Variants in NPSR1 observed in about 807,000 individuals in gnomAD.
NPSR1 encodes the protein neuropeptide S receptor 1.
In NPSR1, 48 loss-of-function variants were observed where a neutral mutation model predicts 46.9. The observed-to-expected ratio is 1.02, with a 90% CI of 0.81 to 1.30. The LOEUF (loss-of-function observed/expected upper bound fraction) is 1.30, where lower values mean the gene tolerates loss of function less well. Ranked by LOEUF, NPSR1 falls within the 50% of genes most tolerant of loss-of-function variation. The probability of loss-of-function intolerance (pLI) is 0.00; values close to 1 mark genes in which losing one functional copy is unlikely to be tolerated. For missense variants in NPSR1, 450 were observed against 449.5 expected, an observed-to-expected ratio of 1.00 and a Z score of -0.01; for synonymous variants, 176 against 168.1, an observed-to-expected ratio of 1.05 and a Z score of -0.36.
chr7:34,853,596 A>G (rs1790986567), downstream of NPSR1, among the ~76,000 whole-genome samples: 1 of 152,236 alleles, frequency 6.6e-6, no homozygotes, highest in African/African-American at 2.4e-5. Flanking sequence ...GGAGTCTTAT[A>G]TCAGCTGGTC....
In NPSR1 at chr7:34,874,249, C is replaced by T. The variant is rs117161603; in HGVS notation, c.1026-3827C>T. Among the ~76,000 whole-genome samples the T allele has an allele frequency of 6.7e-3, 1,024 of 152,302 alleles. 5 individuals are homozygous for T. The highest frequency in any genetic ancestry group is 9.9e-3 in the Non-Finnish European group (672 of 68,030). ...AGTTGCAGTGCTTATCTGTGTGCACCTCCCTTTGCTCAAATGTAATGTAGA... is the reference window on the plus strand; with the variant it reads ...AGTTGCAGTGCTTATCTGTGTGCACTTCCCTTTGCTCAAATGTAATGTAGA... On this transcript the variant is annotated intron_variant, in intron 8 of 8. Transcript: ENST00000359791.
At chr7:34,774,638 T>C (rs1463890443) in intron 2 of NPSR1, among the ~76,000 whole-genome samples, 2 of 152,212 alleles carry the variant, frequency 1.3e-5, no homozygotes, top group African/African-American at 4.8e-5. Context: ...CCTAGGGGCC[T>C]GCATTCTGAT....
At chr7:34,842,640 T>C (rs935984485) in intron 6 of NPSR1, among the ~76,000 whole-genome samples, 6 of 152,234 alleles carry the variant, frequency 3.9e-5, no homozygotes, top group Admixed American at 6.5e-5. Context: ...AAGACCCTAA[T>C]AGTAGTTAGG....
chr7:34,696,080 A>T (rs1188289484), intron 2 of NPSR1, among the ~76,000 whole-genome samples: 24 of 48,666 alleles, frequency 4.9e-4, no homozygotes, highest in East Asian at 1.1e-3. Context: ...TGATTTGATA[A>T]AAAAAAAAAA....
chr7:34,789,924 A>G, intron 3 of NPSR1, among the ~76,000 whole-genome samples: 1 of 152,000 alleles, frequency 6.6e-6, no homozygotes, highest in Non-Finnish European at 1.5e-5. Context: ...AGATGGCTTC[A>G]CTGCAAAATT....
intron 2 of NPSR1, among the ~76,000 whole-genome samples, chr7:34,699,022 T>C (rs538967738): frequency 3.9e-5 from 6 of 152,328 alleles, no homozygotes; most frequent in African/African-American, 1.4e-4. Context: ...AAAGTCAAGA[T>C]AAGCACATAT....
chr7:34,683,155 C>A (rs2128683184), intron 1 of NPSR1, among the ~76,000 whole-genome samples: 1 of 152,164 alleles, frequency 6.6e-6, no homozygotes, highest in East Asian at 1.9e-4. Flanking sequence ...TAAAAAATTT[C>A]TTAGAAGGCC....
chr7:34,707,563 A>G (rs1191344657), intron 2 of NPSR1, among the ~76,000 whole-genome samples: 1 of 152,194 alleles, frequency 6.6e-6, no homozygotes, highest in Non-Finnish European at 1.5e-5. Context: ...AGTATTAACC[A>G]CTTACTATGG....
chr7:34,685,738 C>G, intron 2 of NPSR1: 1 of 416,766 alleles, frequency 2.4e-6, no homozygotes, highest in Non-Finnish European at 4.7e-6. Flanking sequence ...TCCCCTTTTT[C>G]TTTCTAACAA....
At chr7:34,739,511 T>G (rs931913119) in intron 2 of NPSR1, among the ~76,000 whole-genome samples, 1 of 152,240 alleles carries the variant, frequency 6.6e-6, no homozygotes, top group Admixed American at 6.5e-5. Context: ...TTTTTTCATG[T>G]GCTTGTTAAC....
chr7:34,761,631 A>G (rs1420946386), intron 2 of NPSR1, among the ~76,000 whole-genome samples: 1 of 152,160 alleles, frequency 6.6e-6, no homozygotes, highest in Non-Finnish European at 1.5e-5. Context: ...AGGGAAAAAG[A>G]CATTTGAAGA....
At chr7:34,766,742 T>C (rs1786454102) in intron 2 of NPSR1, among the ~76,000 whole-genome samples, 1 of 151,966 alleles carries the variant, frequency 6.6e-6, no homozygotes, top group African/African-American at 2.4e-5. Context: ...CCGGCTAATT[T>C]TTTTGTATTT....
chr7:34,855,192 T>C (rs1357033593), intron 8 of NPSR1, among the ~76,000 whole-genome samples: 1 of 152,024 alleles, frequency 6.6e-6, no homozygotes, highest in Non-Finnish European at 1.5e-5. Context: ...ATCTATCTTA[T>C]GAAGTTAGAA....
chr7:34,810,598 G>T (rs1030200547), intron 3 of NPSR1, among the ~76,000 whole-genome samples: 1 of 152,090 alleles, frequency 6.6e-6, no homozygotes, highest in Non-Finnish European at 1.5e-5. Context: ...CCCTAAAACC[G>T]GAACCCTTCT....
intron 2 of NPSR1, among the ~76,000 whole-genome samples, chr7:34,769,223 A>G (rs1365058092): frequency 2.6e-5 from 4 of 151,274 alleles, no homozygotes; most frequent in Non-Finnish European, 5.9e-5. Flanking sequence ...CTCTTTTTCT[A>G]TTTCTTTTAA....
At chr7:34,802,701 C>A (rs1269822483) in intron 3 of NPSR1, among the ~76,000 whole-genome samples, 1 of 150,336 alleles carries the variant, frequency 6.7e-6, no homozygotes, top group Non-Finnish European at 1.5e-5. Context: ...GCAACAAAAG[C>A]CATAATTGAC....
chr7:34,802,222 C>G (rs953121844), intron 3 of NPSR1, among the ~76,000 whole-genome samples: 11 of 149,968 alleles, frequency 7.3e-5, no homozygotes, highest in East Asian at 1.9e-4. Context: ...CTACTTTAAA[C>G]TTCATATGGA....
At chr7:34,838,766 T>C (rs551541719) in intron 6 of NPSR1, among the ~76,000 whole-genome samples, 23 of 152,298 alleles carry the variant, frequency 1.5e-4, no homozygotes, top group African/African-American at 4.6e-4. Flanking sequence ...TAAACAAGCA[T>C]GGAGGGCAAG....
intron 2 of NPSR1, among the ~76,000 whole-genome samples, chr7:34,732,001 C>G (rs537149143): frequency 1.0e-4 from 15 of 146,498 alleles, no homozygotes; most frequent in African/African-American, 3.8e-4. Context: ...GCCAACATGG[C>G]GAAACTCTAT....
Sources: allele counts gnomAD v4.1 joint callset (sites outside exome capture counted in the v4.1 genomes callset), GRCh38; gene constraint gnomAD v4.1.1; transcripts MANE v1.5; gene names NCBI Gene and HGNC (gene_info 2026-07-23, HGNC 2026-07-21).